KCNE2: variants seen among roughly 807,000 people sequenced by gnomAD.
KCNE2 encodes potassium voltage-gated channel subfamily E regulatory subunit 2, also known as potassium voltage-gated channel subfamily E member 2.
In KCNE2, 4 loss-of-function variants were observed where a neutral mutation model predicts 4.5. The ratio of observed to expected loss-of-function variants is 0.89; its 90% CI spans 0.44 to 2.03. KCNE2 has a LOEUF of 2.03. Ranked by LOEUF, KCNE2 falls within the 30% of genes most tolerant of loss-of-function variation. KCNE2 has a pLI of 0.03. For synonymous variants in KCNE2, 57 were observed against 55.9 expected, an observed-to-expected ratio of 1.02 and a Z score of -0.09; for missense variants, 137 against 151.4, an observed-to-expected ratio of 0.90 and a Z score of 0.50.
chr21:34,366,720 C>G (rs538756222), intron 1 of KCNE2, among the ~76,000 whole-genome samples: 81 of 152,084 alleles, frequency 5.3e-4, no homozygotes, highest in Non-Finnish European at 8.2e-4. Flanking sequence ...TGGCTCACGC[C>G]TGTAATCCCA....
chr21:34,367,118 A>G (rs1979343392), intron 1 of KCNE2, among the ~76,000 whole-genome samples: 2 of 149,114 alleles, frequency 1.3e-5, no homozygotes, highest in African/African-American at 4.9e-5. Flanking sequence ...TGGGCTTCCT[A>G]CAAGAGAAAA....
chr21:34,370,983 A>C lies in KCNE2; in HGVS notation c.*133A>C. ...CTCTCTGTTGAGAATTTTCATGGAG[A>C]TTATGTGGTTGGCCAATAAAGATAG... is the stretch of plus-strand genomic sequence containing the variant. On this transcript the variant is annotated 3_prime_UTR_variant, in exon 2 of 2. Coordinates refer to ENST00000290310, the MANE Select transcript of KCNE2 (RefSeq NM_172201.2). 1 of 1,127,464 alleles carries C rather than the reference A, an allele frequency of 8.9e-7. No homozygotes were observed. Among genetic ancestry groups the C allele is most frequent in the East Asian group, 2.5e-5 (1 of 39,358 alleles). 69.8% of individuals were successfully genotyped at this position (1,127,464 alleles called of 1,614,324 possible). A position where few individuals can be genotyped will look rare whatever the true frequency, so the allele number is the denominator to read the frequency against.
At chr21:34,364,196 CA>C (rs765082988) in intron 1 of KCNE2, 45 bp downstream of exon 1, 9 of 152,146 alleles carry the variant, frequency 5.9e-5, no homozygotes, top group Non-Finnish European at 1.3e-4. Flanking sequence ...AATTAAGTAA[CA>C]AAGTTATCTA....
At chr21:34,369,241 T>C (rs1979474057) in intron 1 of KCNE2, among the ~76,000 whole-genome samples, 2 of 152,128 alleles carry the variant, frequency 1.3e-5, no homozygotes, top group African/African-American at 2.4e-5. Context: ...AATTGCACTA[T>C]AATTTCCCTC....
At chr21:34,366,974 CAAAAAAA>C (rs747133749) in intron 1 of KCNE2, among the ~76,000 whole-genome samples, 28 of 14,820 alleles carry the variant, frequency 1.9e-3, no homozygotes, top group Admixed American at 4.4e-3. Context: ...GACTCCATCT[CAAAAAAA>C]AAAAAAAAAA....
At chr21:34,365,827 T>G (rs889269764) in intron 1 of KCNE2, among the ~76,000 whole-genome samples, 1 of 152,252 alleles carries the variant, frequency 6.6e-6, no homozygotes, top group African/African-American at 2.4e-5. Flanking sequence ...ATAATGTCCT[T>G]CAACGAAGCT....
At position 34,371,343 on chromosome 21, in the gene KCNE2, A is replaced by G. The variant is rs993415037; in HGVS notation, c.*493A>G. On this transcript the variant is annotated 3_prime_UTR_variant, in exon 2 of 2. Coordinates refer to ENST00000290310, the MANE Select transcript of KCNE2 (RefSeq NM_172201.2). The stretch of plus-strand genomic sequence containing the variant: ...CATTTATCTGTAATATTAATTCATG[A>G]GTGTGGAGTCTGAAGAGATGAATAA... 5.1e-6 allele frequency: 1 copy of G among 197,748 alleles called. No individual in the cohort carries two copies. Among genetic ancestry groups the G allele is most frequent in the Non-Finnish European group, 1.0e-5 (1 of 95,692 alleles). 12.2% of individuals were successfully genotyped at this position (197,748 alleles called of 1,614,324 possible). A position where few individuals can be genotyped will look rare whatever the true frequency, so the allele number is the denominator to read the frequency against.
intron 1 of KCNE2, among the ~76,000 whole-genome samples, chr21:34,369,665 C>T (rs1979493810): frequency 6.6e-6 from 1 of 152,124 alleles, no homozygotes; most frequent in Non-Finnish European, 1.5e-5. Context: ...ATTGTATTAT[C>T]CAGGTGAGAG....
At chr21:34,365,772 A>G (rs761583544) in intron 1 of KCNE2, among the ~76,000 whole-genome samples, 4 of 152,224 alleles carry the variant, frequency 2.6e-5, no homozygotes, top group Non-Finnish European at 5.9e-5. Context: ...TAATTCTGGG[A>G]ATAAAAAATT....
intron 1 of KCNE2, among the ~76,000 whole-genome samples, chr21:34,369,041 G>A (rs1979466501): frequency 6.6e-6 from 1 of 152,094 alleles, no homozygotes; most frequent in African/African-American, 2.4e-5. Flanking sequence ...TGAGAGAATA[G>A]GATGTGATAA....
intron 1 of KCNE2, among the ~76,000 whole-genome samples, chr21:34,368,238 A>ATC (rs1568812411): frequency 1.9e-4 from 20 of 107,104 alleles, no homozygotes; most frequent in African/African-American, 8.6e-4. Context: ...CAATATATAT[A>ATC]TATATATATA....
intron 1 of KCNE2, 131 bp from the exon 2 acceptor site, chr21:34,370,336 A>C: frequency 1.9e-6 from 2 of 1,080,468 alleles, no homozygotes; most frequent in South Asian, 1.4e-5. Flanking sequence ...ATATGCATTA[A>C]ATCACCAGCC....
intron 1 of KCNE2, among the ~76,000 whole-genome samples, chr21:34,368,808 AT>A (rs138091848): frequency 2.6e-5 from 4 of 152,020 alleles, no homozygotes; most frequent in African/African-American, 4.8e-5. Flanking sequence ...GAGGTTACCA[AT>A]TTTTTTTAAA....
At chr21:34,365,983 T>C (rs1979275252) in intron 1 of KCNE2, among the ~76,000 whole-genome samples, 1 of 152,202 alleles carries the variant, frequency 6.6e-6, no homozygotes, top group Admixed American at 6.5e-5. Context: ...CACTTAGACA[T>C]TTAATCCCTA....
intron 1 of KCNE2, among the ~76,000 whole-genome samples, chr21:34,366,908 G>A (rs7278436): frequency 1.4e-5 from 2 of 145,968 alleles, no homozygotes; most frequent in Admixed American, 1.4e-4. Flanking sequence ...AAACCCGGGA[G>A]GCAGAGCTTG....
rs752190819 is a variant in KCNE2, at chr21:34,370,597, A to G, written c.119A>G (p.Lys40Arg). The change falls in exon 2 of 2, where the codon AAA becomes AGA. Residue 40 changes from lysine (K) to arginine (R), a missense_variant. Transcript: ENST00000290310. ...GCTGAGCAAGAGGCCCTCCAAGCCA[A>G]AGTTGATGCTGAGAACTTCTACTAT... ...TTAEQEALQA[K>R]VDAENFYYVI... The G allele has an allele frequency of 1.2e-6, 2 of 1,614,178 alleles. No homozygotes were observed. Among genetic ancestry groups the G allele is most frequent in the Non-Finnish European group, 1.7e-6 (2 of 1,180,028 alleles).
At chr21:34,364,415 A>G (rs553822163) in intron 1 of KCNE2, among the ~76,000 whole-genome samples, 3 of 152,324 alleles carry the variant, frequency 2.0e-5, no homozygotes, top group East Asian at 1.9e-4. Context: ...TATAAAAATG[A>G]AAGACTTTGC....
chr21:34,368,229 A>AATATAT (rs10596236), intron 1 of KCNE2, among the ~76,000 whole-genome samples: 2,693 of 84,398 alleles, frequency 0.032, 68 homozygotes, highest in East Asian at 0.091. Context: ...ACACACACAC[A>AATATAT]ATATATATAT....
At position 34,367,777 on chromosome 21, in the gene KCNE2, G is replaced by C. The variant is rs187869020; in HGVS notation, c.-12-2690G>C. Among the ~76,000 whole-genome samples, 58 of 152,198 alleles carry C rather than the reference G, an allele frequency of 3.8e-4. No individual in the cohort carries two copies. In the East Asian group the frequency reaches 4.6e-3, roughly 12 times the overall value. On this transcript the variant is annotated intron_variant, in intron 1 of 1. Transcript: ENST00000290310. ...AAGAAAAGTCACATGCTAAAGAGAC[G>C]GGCATGTCTTTAGAACGGCAGCAGG... is the stretch of plus-strand genomic sequence containing the variant.
Sources: allele counts gnomAD v4.1 joint callset (sites outside exome capture counted in the v4.1 genomes callset), GRCh38; gene constraint gnomAD v4.1.1; transcripts MANE v1.5; gene names NCBI Gene and HGNC (gene_info 2026-07-23, HGNC 2026-07-21).